The following RORA variants were observed in gnomAD, a reference collection of about 807,000 sequenced individuals.
The protein encoded by RORA is RAR related orphan receptor A.
In RORA, 7 loss-of-function variants were observed where a neutral mutation model predicts 69.5. That is an observed-to-expected ratio of 0.10 (90% confidence interval 0.06 to 0.19). The LOEUF (loss-of-function observed/expected upper bound fraction) is 0.19, where lower values mean the gene tolerates loss of function less well. Ranked by LOEUF, RORA falls within the 10% of genes least tolerant of loss-of-function variation. The probability of loss-of-function intolerance (pLI) is 1.00; values close to 1 mark genes in which losing one functional copy is unlikely to be tolerated. For missense variants in RORA, 457 were observed against 663.0 expected, an observed-to-expected ratio of 0.69 and a Z score of 3.41; for synonymous variants, 261 against 240.8, an observed-to-expected ratio of 1.08 and a Z score of -0.78.
At chr15:60,623,795 A>C (rs2069484783) in intron 2 of RORA, among the ~76,000 whole-genome samples, 1 of 152,182 alleles carries the variant, frequency 6.6e-6, no homozygotes. Flanking sequence ...GTATTAAATA[A>C]TTTTTTAAAA....
chr15:60,800,242 TA>T, intron 1 of RORA, among the ~76,000 whole-genome samples: 1 of 152,304 alleles, frequency 6.6e-6, no homozygotes, highest in Admixed American at 6.5e-5. Context: ...AAATACTTGT[TA>T]AATAAACAAA....
At chr15:60,711,114 C>T (rs2071137733) in intron 1 of RORA, among the ~76,000 whole-genome samples, 1 of 152,174 alleles carries the variant, frequency 6.6e-6, no homozygotes. Context: ...ACATTTATCC[C>T]AAAAGAGGTT....
chr15:60,987,788 A>G (rs922137225), intron 1 of RORA, among the ~76,000 whole-genome samples: 8 of 152,162 alleles, frequency 5.3e-5, no homozygotes, highest in Admixed American at 5.2e-4. Context: ...AGTCCTGAGG[A>G]AGCAATTTTT....
chr15:60,775,772 T>C (rs557944555), intron 1 of RORA, among the ~76,000 whole-genome samples: 143 of 152,302 alleles, frequency 9.4e-4, no homozygotes, highest in African/African-American at 3.2e-3. Context: ...TTAATAAACA[T>C]GGAAAGATGA....
intron 1 of RORA, among the ~76,000 whole-genome samples, chr15:60,791,321 T>C (rs950488782): frequency 6.6e-6 from 1 of 152,242 alleles, no homozygotes; most frequent in Non-Finnish European, 1.5e-5. Flanking sequence ...CTATTGGCTT[T>C]TGGTCATAAT....
At position 60,730,197 on chromosome 15, in the gene RORA, T is replaced by C. The variant is rs1024808412; in HGVS notation, c.167-51511A>G. Among the ~76,000 whole-genome samples the C allele has an allele frequency of 2.6e-4, 39 of 152,220 alleles. 1 individual carries two copies. The highest frequency in any genetic ancestry group is 7.2e-4 in the African/African-American group (30 of 41,454). On this transcript the variant is annotated intron_variant, in intron 1 of 10. Coordinates refer to ENST00000335670, the MANE Select transcript of RORA (RefSeq NM_134261.3). ...GCAGGAGAAGATCTGTACTAGATGA[T>C]GCTGGAAGGTCTTCCTCTATACAGG...
At chr15:60,912,251 AAAAG>A (rs1891745930) in intron 1 of RORA, among the ~76,000 whole-genome samples, 1 of 152,038 alleles carries the variant, frequency 6.6e-6, no homozygotes, top group East Asian at 1.9e-4. Flanking sequence ...CCTCTACAAA[AAAAG>A]AAAGAAAGAG....
intron 1 of RORA, among the ~76,000 whole-genome samples, chr15:61,058,781 A>G (rs2078130605): frequency 6.6e-6 from 1 of 152,198 alleles, no homozygotes; most frequent in African/African-American, 2.4e-5. Context: ...AGTGCTGCTC[A>G]TTCCACTGTA....
chr15:60,606,604 G>C (rs2068952255), intron 2 of RORA, among the ~76,000 whole-genome samples: 1 of 152,154 alleles, frequency 6.6e-6, no homozygotes, highest in Non-Finnish European at 1.5e-5. Context: ...TCTCGGAGCA[G>C]ACTTTGGGTG....
intron 1 of RORA, among the ~76,000 whole-genome samples, chr15:61,227,649 G>A (rs2080159834): frequency 6.6e-6 from 1 of 152,064 alleles, no homozygotes; most frequent in African/African-American, 2.4e-5. Context: ...AACATCGAGA[G>A]GAAGGGAGCA....
At chr15:60,832,366 A>G (rs1426152005) in intron 1 of RORA, among the ~76,000 whole-genome samples, 1 of 152,058 alleles carries the variant, frequency 6.6e-6, no homozygotes, top group African/African-American at 2.4e-5. Flanking sequence ...CAAAACTGGG[A>G]TATTAGTCAC....
At chr15:61,074,916 G>A (rs747245808) in intron 1 of RORA, among the ~76,000 whole-genome samples, 1 of 151,814 alleles carries the variant, frequency 6.6e-6, no homozygotes, top group African/African-American at 2.4e-5. Flanking sequence ...ATGAAATCCC[G>A]TCTCTACTAA....
chr15:60,516,161 T>A (rs1188630307), intron 3 of RORA, among the ~76,000 whole-genome samples: 8 of 30,310 alleles, frequency 2.6e-4, no homozygotes, highest in South Asian at 2.0e-3. Flanking sequence ...ATATATATAT[T>A]TATATATATA....
intron 1 of RORA, among the ~76,000 whole-genome samples, chr15:60,759,901 A>G (rs1414882225): frequency 6.6e-6 from 1 of 152,218 alleles, no homozygotes; most frequent in Non-Finnish European, 1.5e-5. Context: ...AGGAGATAAA[A>G]AGTACTTTGT....
In RORA at chr15:61,042,765, T is replaced by C. The variant is rs375330840; in HGVS notation, c.166+186288A>G. 2.9e-4 allele frequency among the ~76,000 whole-genome samples: 44 copies of C among 152,344 alleles called. 2 individuals are homozygous for C. The South Asian group carries it at 6.6e-3, about 23-fold the overall frequency. On this transcript the variant is annotated intron_variant, in intron 1 of 10. Coordinates refer to ENST00000335670, the MANE Select transcript of RORA (RefSeq NM_134261.3). ...GCTTCTTTGGGAATTGCCAGCCAAG[T>C]CCTTTACTTTATTTACCTCATTTTT...
intron 2 of RORA, among the ~76,000 whole-genome samples, chr15:60,549,380 GAATT>G (rs1437990307): frequency 6.6e-5 from 10 of 152,160 alleles, no homozygotes; most frequent in Non-Finnish European, 1.5e-4. Context: ...CATTGCCCAT[GAATT>G]AATTTAAGAA....
chr15:60,558,231 G>T, intron 2 of RORA: 6 of 1,608,720 alleles, frequency 3.7e-6, no homozygotes, highest in Non-Finnish European at 5.1e-6. Context: ...TTACACAGAC[G>T]CCAGTAAGAA....
Position 61,229,041 on chromosome 15 carries a change from C to A in RORA, c.166+12G>T. ...CCGCCGCCCCCTCCCCAGCCCCTCT[C>A]CAGCCTCCTACCTCTGCTGGTGCTG... is the stretch of plus-strand genomic sequence containing the variant. On this transcript the variant is annotated intron_variant, in intron 1 of 10. Coordinates refer to ENST00000335670, the MANE Select transcript of RORA (RefSeq NM_134261.3). The A allele has an allele frequency of 6.7e-7, 1 of 1,492,128 alleles. No homozygotes were observed. The highest frequency in any genetic ancestry group is 8.9e-7 in the Non-Finnish European group (1 of 1,118,166). 92.4% of individuals were successfully genotyped at this position (1,492,128 alleles called of 1,614,324 possible).
At chr15:60,664,785 C>A (rs567626226) in intron 2 of RORA, among the ~76,000 whole-genome samples, 4 of 152,250 alleles carry the variant, frequency 2.6e-5, no homozygotes, top group African/African-American at 7.2e-5. Flanking sequence ...AAAATAGATT[C>A]TTTTATTGGG....
Sources: allele counts gnomAD v4.1 joint callset (sites outside exome capture counted in the v4.1 genomes callset), GRCh38; gene constraint gnomAD v4.1.1; transcripts MANE v1.5; gene names NCBI Gene and HGNC (gene_info 2026-07-23, HGNC 2026-07-21).